Variants in CNTN1 observed in about 807,000 individuals in gnomAD.
The protein encoded by CNTN1 is contactin 1, also known as contactin-1.
In CNTN1, 38 loss-of-function variants were observed where a neutral mutation model predicts 126.4. That is an observed-to-expected ratio of 0.30 (90% confidence interval 0.23 to 0.39). The LOEUF is 0.39. Among genes scored for constraint, CNTN1 ranks in the 10% least tolerant of loss-of-function variants. The pLI is 1.00. For missense variants in CNTN1, 1,009 were observed against 1,248.4 expected, an observed-to-expected ratio of 0.81 and a Z score of 2.89; for synonymous variants, 413 against 422.6, an observed-to-expected ratio of 0.98 and a Z score of 0.28.
Position 40,944,055 on chromosome 12 carries a change from C to A in CNTN1, c.1568C>A (p.Thr523Asn). Residue 523 changes from threonine (T) to asparagine (N), a missense_variant, in exon 14 of 24, where the codon ACC becomes AAC. Physicochemically the swap from Thr to Asn is moderately conservative, Grantham distance 65. Coordinates refer to ENST00000551295, the MANE Select transcript of CNTN1 (RefSeq NM_001843.4). ...GATATCACAGTTGGAGAAAACGCCA[C>A]CATGCAGTGTGCTGCGTCCTTTGAT... ...NADITVGENA[T>N]MQCAASFDPA... is the part of the protein sequence containing the mutation. 1 of 1,613,524 alleles carries A rather than the reference C, an allele frequency of 6.2e-7. No individual in the cohort carries two copies. Among genetic ancestry groups the A allele is most frequent in the Admixed American group, 1.7e-5 (1 of 59,928 alleles).
At chr12:41,008,712 T>C (rs567511090) in intron 17 of CNTN1, among the ~76,000 whole-genome samples, 14 of 152,292 alleles carry the variant, frequency 9.2e-5, no homozygotes, top group Middle Eastern at 3.4e-3. Flanking sequence ...ATGACTTCCA[T>C]GAACCATCTA....
At chr12:40,731,930 A>T (rs1942510143) in intron 1 of CNTN1, among the ~76,000 whole-genome samples, 1 of 152,042 alleles carries the variant, frequency 6.6e-6, no homozygotes, top group African/African-American at 2.4e-5. Context: ...CATAACATGC[A>T]TGTATTACTT....
intron 11 of CNTN1, among the ~76,000 whole-genome samples, chr12:40,938,662 T>C (rs926876201): frequency 5.3e-5 from 8 of 152,234 alleles, no homozygotes; most frequent in Non-Finnish European, 1.2e-4. Context: ...GTGTGTATAA[T>C]GCTGGTCAAT....
chr12:40,948,704 T>C (rs1400622634), intron 14 of CNTN1, among the ~76,000 whole-genome samples: 1 of 152,224 alleles, frequency 6.6e-6, no homozygotes, highest in Non-Finnish European at 1.5e-5. Flanking sequence ...TCTATTTAAA[T>C]AATTCTCCCA....
chr12:40,748,029 C>T (rs1439617630), intron 1 of CNTN1, among the ~76,000 whole-genome samples: 1 of 152,062 alleles, frequency 6.6e-6, no homozygotes, highest in Non-Finnish European at 1.5e-5. Context: ...TGTACTTCAT[C>T]CTGTAGGCAG....
chr12:41,048,424 G>A (rs1389940415), intron 23 of CNTN1, among the ~76,000 whole-genome samples: 2 of 152,024 alleles, frequency 1.3e-5, no homozygotes, highest in African/African-American at 4.8e-5. Context: ...ATCTGAAGCA[G>A]TCGACACCTA....
At position 40,930,048 on chromosome 12, in the gene CNTN1, A is replaced by G. The variant is rs769749210; in HGVS notation, c.703+46A>G. The G allele has an allele frequency of 3.0e-6, 4 of 1,346,788 alleles. No homozygotes were observed. The South Asian group carries it at 4.7e-5, about 16-fold the overall frequency. The allele number at this position is 1,346,788 out of a possible 1,614,324, so 83.4% of individuals were successfully genotyped here. ...ACTCTGTTTTCGCAAGGTTATCTAC[A>G]TATGGTATACTTACCGTAATGAAAA... On this transcript the variant is annotated intron_variant, in intron 7 of 23. Transcript: ENST00000551295.
intron 16 of CNTN1, among the ~76,000 whole-genome samples, chr12:40,987,433 T>C (rs1947982177): frequency 6.6e-6 from 1 of 152,150 alleles, no homozygotes; most frequent in Non-Finnish European, 1.5e-5. Context: ...TACAAGATGC[T>C]CAGGTCGTTG....
intron 15 of CNTN1, among the ~76,000 whole-genome samples, chr12:40,974,067 C>T (rs530915467): frequency 6.6e-6 from 1 of 152,182 alleles, no homozygotes; most frequent in African/African-American, 2.4e-5. Flanking sequence ...GCAGAAATGA[C>T]AGAACTGATT....
chr12:40,807,455 G>C (rs1210134823), intron 1 of CNTN1, among the ~76,000 whole-genome samples: 6 of 152,214 alleles, frequency 3.9e-5, no homozygotes, highest in African/African-American at 1.4e-4. Context: ...GCGAAAGGTG[G>C]CTCTAGCCTT....
chr12:40,965,597 C>T (rs369024380), intron 15 of CNTN1, among the ~76,000 whole-genome samples: 3 of 152,032 alleles, frequency 2.0e-5, no homozygotes, highest in African/African-American at 7.2e-5. Flanking sequence ...CAAAGACATG[C>T]ATTATAAACA....
intron 15 of CNTN1, among the ~76,000 whole-genome samples, chr12:40,975,068 G>A (rs931352582): frequency 1.3e-5 from 2 of 151,162 alleles, no homozygotes; most frequent in African/African-American, 4.9e-5. Flanking sequence ...TTTTGAGCGT[G>A]TTATACCAGA....
At chr12:40,922,994 T>C (rs1304092094) in intron 5 of CNTN1, among the ~76,000 whole-genome samples, 1 of 105,994 alleles carries the variant, frequency 9.4e-6, no homozygotes, top group Non-Finnish European at 1.9e-5. Context: ...AAAAAAGACA[T>C]CAATGGAAGC....
chr12:41,066,189 T>C (rs1950046348), intron 23 of CNTN1, among the ~76,000 whole-genome samples: 1 of 152,368 alleles, frequency 6.6e-6, no homozygotes, highest in African/African-American at 2.4e-5. Flanking sequence ...TCTGATATTA[T>C]ATTATGAATT....
chr12:40,819,183 C>T (rs1056282478), intron 1 of CNTN1, among the ~76,000 whole-genome samples: 1 of 152,166 alleles, frequency 6.6e-6, no homozygotes, highest in African/African-American at 2.4e-5. Context: ...GAAGCAGGAC[C>T]TGTTTAAGGA....
rs1221864380 is a variant in CNTN1 at position 40,830,958 on chromosome 12, T to TACAC, written c.-76-77398_-76-77397insCACA. Among the ~76,000 whole-genome samples the TACAC allele has an allele frequency of 1.9e-3, 215 of 111,226 alleles. 2 individuals are homozygous for TACAC. The highest frequency in any genetic ancestry group is 7.0e-3 in the Admixed American group (72 of 10,316). The allele number at this position is 111,226 out of a possible 152,430, so 73.0% of individuals were successfully genotyped here. A position where few individuals can be genotyped will look rare whatever the true frequency, so the allele number is the denominator to read the frequency against. On this transcript the variant is annotated intron_variant, in intron 1 of 23. Transcript: ENST00000551295. ...ATACATATATATATATATATATATA[T>TACAC]ATATACACACACACACACACACTAT...
chr12:41,007,556 A>G (rs961556935), intron 17 of CNTN1, among the ~76,000 whole-genome samples: 4 of 152,166 alleles, frequency 2.6e-5, no homozygotes, highest in African/African-American at 7.2e-5. Context: ...CTCTCTCTAT[A>G]GAGAGAGGGG....
intron 1 of CNTN1, among the ~76,000 whole-genome samples, chr12:40,888,818 A>G (rs546974074): frequency 5.9e-5 from 9 of 152,226 alleles, no homozygotes; most frequent in Non-Finnish European, 1.2e-4. Context: ...GGCTTTCCAC[A>G]AACAAAACAA....
At chr12:40,924,864 T>G (rs114268774) in intron 6 of CNTN1, among the ~76,000 whole-genome samples, 1 of 76,666 alleles carries the variant, frequency 1.3e-5, no homozygotes, top group South Asian at 4.0e-4. Context: ...GGATCTCTAA[T>G]CATTTTAGTT....
Sources: gnomAD v4.1 joint callset for allele counts (sites outside exome capture counted in the v4.1 genomes callset) on GRCh38, gnomAD v4.1.1 for gene constraint, MANE v1.5 for transcripts, NCBI Gene and HGNC (gene_info 2026-07-23, HGNC 2026-07-21) for gene names.